Variants in SYNE1 observed in about 807,000 individuals in gnomAD.
The protein encoded by SYNE1 is spectrin repeat containing nuclear envelope protein 1.
Under a neutral mutation model 1,111.0 loss-of-function variants are expected in SYNE1, and 616 were observed. The observed-to-expected ratio is 0.55, with a 90% confidence interval of 0.52 to 0.59. SYNE1 has a LOEUF of 0.59. Among genes scored for constraint, SYNE1 ranks in the 20% least tolerant of loss-of-function variants. The pLI is 0.00. For missense variants in SYNE1, 10,006 were observed against 10,417.0 expected, an observed-to-expected ratio of 0.96 and a Z score of 1.72; for synonymous variants, 3,855 against 3,825.8, an observed-to-expected ratio of 1.01 and a Z score of -0.28.
At chr6:152,498,694 G>A (rs376549168) in intron 11 of SYNE1, 48 bp downstream of exon 11, 6 of 1,292,296 alleles carry the variant, frequency 4.6e-6, no homozygotes, top group Non-Finnish European at 5.5e-6. Flanking sequence ...GCTACAGAAT[G>A]CAGGATGTTT....
intron 63 of SYNE1, among the ~76,000 whole-genome samples, 157 bp downstream of exon 63, chr6:152,364,672 GAGGAAGGAGGAAGGAGGA>G (rs978590079): frequency 7.3e-6 from 1 of 137,108 alleles, no homozygotes; most frequent in African/African-American, 2.8e-5. Context: ...GGGAGGGAAG[GAGGAAGGAGGAAGGAGGA>G]AGGAAGGAAG....
chr6:152,330,227 A>T lies in SYNE1; in HGVS notation c.14458T>A (p.Ser4820Thr), dbSNP rs999907923. Residue 4820 changes from serine to threonine, a missense_variant, in exon 78 of 146, where the codon TCC becomes ACC. By Grantham distance (58) the Ser-to-Thr change is moderately conservative (BLOSUM62 1). Around this residue, in one of 7 missense-constraint regions of SYNE1, gnomAD observed 4,955 missense variants for 5,017.2 expected, o/e 0.99. Transcript: ENST00000367255. ...PAEEKLKMYH[S>T]LAGSLQDSGI... The stretch of plus-strand genomic sequence containing the variant: ...GAGTCCTGGAGACTTCCTGCCAGGG[A>T]GTGATACATTTTGAGCTTCTCCTCT... 2 of 1,613,994 alleles carry T rather than the reference A, an allele frequency of 1.2e-6. No homozygotes were observed. The highest frequency in any genetic ancestry group is 2.7e-5 in the African/African-American group (2 of 74,894).
At chr6:152,531,126 G>A (rs981824488) in intron 4 of SYNE1, among the ~76,000 whole-genome samples, 2 of 152,086 alleles carry the variant, frequency 1.3e-5, no homozygotes, top group Non-Finnish European at 2.9e-5. Context: ...CAAGTGTACT[G>A]ATGCTGTCAA....
intron 128 of SYNE1, 125 bp downstream of exon 128, chr6:152,189,127 G>C: frequency 1.0e-6 from 1 of 970,190 alleles, no homozygotes; most frequent in Non-Finnish European, 1.6e-6. Flanking sequence ...TAACCACAGT[G>C]TTCTTCCTTT....
chr6:152,267,091 C>T (rs901954185), intron 100 of SYNE1, among the ~76,000 whole-genome samples: 2 of 152,044 alleles, frequency 1.3e-5, no homozygotes, highest in Non-Finnish European at 2.9e-5. Flanking sequence ...TTTTCTTCAA[C>T]TTTTTTATAG....
chr6:152,472,789 A>T (rs776791980), intron 14 of SYNE1, among the ~76,000 whole-genome samples: 17 of 152,250 alleles, frequency 1.1e-4, no homozygotes, highest in Non-Finnish European at 1.9e-4. Context: ...ACTGAGCATG[A>T]CAAATTGAAA....
chr6:152,171,395 A>C (rs983129952), intron 130 of SYNE1, among the ~76,000 whole-genome samples: 1 of 152,232 alleles, frequency 6.6e-6, no homozygotes, highest in African/African-American at 2.4e-5. Context: ...AGTGACTGCT[A>C]TGTGCAAAGA....
chr6:152,248,879 T>C (rs995587660), intron 105 of SYNE1, among the ~76,000 whole-genome samples: 1 of 152,198 alleles, frequency 6.6e-6, no homozygotes, highest in Non-Finnish European at 1.5e-5. Context: ...CCCTATGTCA[T>C]TGAGGTTCAT....
chr6:152,293,546 T>C, intron 95 of SYNE1, 42 bp downstream of exon 95: 1 of 1,611,688 alleles, frequency 6.2e-7, no homozygotes, highest in Admixed American at 1.7e-5. Context: ...CAACAGTGCC[T>C]TATTCAATCA....
At chr6:152,511,515 A>C in intron 6 of SYNE1, 1 of 1,520,364 alleles carries the variant, frequency 6.6e-7, no homozygotes, top group Non-Finnish European at 9.1e-7. Flanking sequence ...CAGGTAACTT[A>C]TGTTCCCTTT....
Position 152,154,930 on chromosome 6 carries a change from T to C in SYNE1, c.24091A>G (p.Ile8031Val). 2 of 1,614,186 alleles carry C rather than the reference T, an allele frequency of 1.2e-6. No homozygotes were observed. Among genetic ancestry groups the C allele is most frequent in the East Asian group, 2.2e-5 (1 of 44,880 alleles). The change falls in exon 133 of 146, where the codon ATC becomes GTC. Residue 8031 changes from isoleucine to valine, a missense_variant. Ile to Val is a conservative substitution (Grantham distance 29). Coordinates refer to ENST00000367255, the MANE Select transcript of SYNE1 (RefSeq NM_182961.4). ...AGTTCTTCCTTGGCAACTGTATAGA[T>C]CACCCCAGAAGAGCTGGGAAAAGCA... The part of the protein sequence containing the change: ...TAAFPSSSGV[I>V]YTVAKEELKK...
At chr6:152,274,592 A>G (rs1194439368) in intron 98 of SYNE1, among the ~76,000 whole-genome samples, 1 of 151,688 alleles carries the variant, frequency 6.6e-6, no homozygotes, top group Non-Finnish European at 1.5e-5. Flanking sequence ...TTGTTTATTT[A>G]TTTATTTACT....
chr6:152,310,654 T>C (rs368645271), intron 88 of SYNE1, 34 bp downstream of exon 88: 1 of 1,609,476 alleles, frequency 6.2e-7, no homozygotes, highest in African/African-American at 1.3e-5. Context: ...ATGATAGACA[T>C]TTTTTTCTGT....
intron 127 of SYNE1, among the ~76,000 whole-genome samples, chr6:152,199,432 T>C (rs930975923): frequency 2.0e-5 from 3 of 152,216 alleles, no homozygotes; most frequent in Non-Finnish European, 4.4e-5. Context: ...TTTAAAACAA[T>C]GCACTGAATA....
intron 98 of SYNE1, among the ~76,000 whole-genome samples, chr6:152,272,362 G>A (rs1390375459): frequency 1.3e-5 from 2 of 152,220 alleles, no homozygotes; most frequent in African/African-American, 2.4e-5. Flanking sequence ...AGTCCCCACT[G>A]GGTGGGGCTA....
At chr6:152,381,405 C>A in intron 55 of SYNE1, 43 bp from the exon 56 acceptor site, 1 of 1,596,156 alleles carries the variant, frequency 6.3e-7, no homozygotes, top group South Asian at 1.1e-5. Flanking sequence ...GCCTGTGAGT[C>A]ACTTGGACTG....
chr6:152,213,850 T>C, intron 122 of SYNE1, 91 bp from the exon 123 acceptor site: 1 of 1,551,882 alleles, frequency 6.4e-7, no homozygotes, highest in Non-Finnish European at 8.8e-7. Flanking sequence ...ATCTCTGTGC[T>C]CAATTCTAAT....
In SYNE1 at chr6:152,369,047, T is replaced by A. The variant is rs958873300; in HGVS notation, c.9732A>T (p.Gln3244His). 2 of 1,614,242 alleles carry A rather than the reference T, an allele frequency of 1.2e-6. No individual in the cohort carries two copies. The highest frequency in any genetic ancestry group is 1.7e-6 in the Non-Finnish European group (2 of 1,180,042). The change falls in exon 61 of 146, where the codon CAA (glutamine) becomes CAT (histidine). Residue 3244 changes from glutamine (Q) to histidine (H), a missense_variant. Gln to His is a conservative substitution (Grantham distance 24, BLOSUM62 0). Around this residue, in one of 7 missense-constraint regions of SYNE1, gnomAD observed 4,955 missense variants for 5,017.2 expected, o/e 0.99. Transcript: ENST00000367255. Reference protein sequence around the residue: ...KEKAQQLWEGQAASKSFRHRV... With the variant: ...KEKAQQLWEGHAASKSFRHRV... ...TGTGCCTAAAGCTCTTGCTGGCAGC[T>A]TGTCCTTCCCACAGCTGCTGAGCTT...
intron 129 of SYNE1, among the ~76,000 whole-genome samples, chr6:152,178,901 C>A: frequency 7.5e-6 from 1 of 133,694 alleles, no homozygotes; most frequent in Non-Finnish European, 1.6e-5. Context: ...ACACTGAAAT[C>A]ACCCAATTCT....
Sources: gnomAD v4.1 joint callset for allele counts (sites outside exome capture counted in the v4.1 genomes callset) on GRCh38, gnomAD v4.1.1 for gene constraint, gnomAD v4.1.1 regional missense constraint, MANE v1.5 for transcripts, NCBI Gene and HGNC (gene_info 2026-07-23, HGNC 2026-07-21) for gene names.